The following LSAMP variants were observed in gnomAD, a reference collection of about 807,000 sequenced individuals.
The protein encoded by LSAMP is limbic system associated membrane protein, also known as limbic system-associated membrane protein.
A neutral mutation model predicts 38.6 loss-of-function variants in LSAMP; 7 were observed. The ratio of observed to expected loss-of-function variants is 0.18; its 90% CI spans 0.10 to 0.34. The LOEUF (loss-of-function observed/expected upper bound fraction) is 0.34. LSAMP is among the 10% of genes least tolerant of loss of function. LSAMP has a pLI of 1.00. For synonymous variants in LSAMP, 154 were observed against 166.8 expected (o/e 0.92, Z 0.59); for missense variants, 313 against 420.0 (o/e 0.75, Z 2.23).
At chr3:115,984,104 T>A (rs1348445569) in intron 3 of LSAMP, among the ~76,000 whole-genome samples, 1 of 151,874 alleles carries the variant, frequency 6.6e-6, no homozygotes. Context: ...TAAAAACAGT[T>A]CAAGAGATAT....
At chr3:115,874,666 C>T (rs1311073504) in intron 3 of LSAMP, among the ~76,000 whole-genome samples, 2 of 152,110 alleles carry the variant, frequency 1.3e-5, no homozygotes, top group Non-Finnish European at 1.5e-5. Flanking sequence ...AATAAACCAG[C>T]CTGTCTTCAA....
chr3:115,911,482 G>C (rs1937134105), intron 3 of LSAMP, among the ~76,000 whole-genome samples: 1 of 152,102 alleles, frequency 6.6e-6, no homozygotes, highest in African/African-American at 2.4e-5. Flanking sequence ...CTCCTGAGTA[G>C]CTGGGACTAC....
intron 2 of LSAMP, among the ~76,000 whole-genome samples, chr3:116,036,174 C>T (rs1941041010): frequency 6.6e-6 from 1 of 152,154 alleles, no homozygotes; most frequent in Admixed American, 6.5e-5. Context: ...GAAAATTACA[C>T]AACTTTTATT....
chr3:115,815,481 A>C (rs927381645), intron 6 of LSAMP, among the ~76,000 whole-genome samples: 1 of 152,200 alleles, frequency 6.6e-6, no homozygotes, highest in African/African-American at 2.4e-5. Flanking sequence ...ACTCTCTATA[A>C]AGCGAGATTT....
chr3:116,161,845 A>G (rs1310913146), intron 1 of LSAMP, among the ~76,000 whole-genome samples: 1 of 152,112 alleles, frequency 6.6e-6, no homozygotes, highest in South Asian at 2.1e-4. Context: ...TATTCATTGG[A>G]TCTGTGCTGG....
chr3:116,089,596 A>G (rs2107428516), intron 1 of LSAMP, among the ~76,000 whole-genome samples: 1 of 152,210 alleles, frequency 6.6e-6, no homozygotes, highest in South Asian at 2.1e-4. Flanking sequence ...TGACCTCGTG[A>G]TCCGCCCACC....
chr3:116,029,892 C>G (rs1374294042), intron 2 of LSAMP, among the ~76,000 whole-genome samples: 13 of 152,028 alleles, frequency 8.6e-5, no homozygotes, highest in Admixed American at 8.5e-4. Flanking sequence ...GCCTTATGAG[C>G]CCCAAGCACT....
chr3:115,913,226 A>G (rs1052371228), intron 3 of LSAMP, among the ~76,000 whole-genome samples: 2 of 152,232 alleles, frequency 1.3e-5, no homozygotes, highest in Admixed American at 6.5e-5. Context: ...AGAGAAAAAA[A>G]CTGGTCTTTA....
intron 1 of LSAMP, among the ~76,000 whole-genome samples, chr3:116,300,925 C>T (rs1473891572): frequency 6.6e-6 from 1 of 151,962 alleles, no homozygotes; most frequent in African/African-American, 2.4e-5. Context: ...ACTCTTCCAG[C>T]TCATCTCTGT....
intron 1 of LSAMP, among the ~76,000 whole-genome samples, chr3:116,093,272 AG>A (rs1408356157): frequency 1.3e-5 from 2 of 152,146 alleles, no homozygotes; most frequent in Admixed American, 1.3e-4. Flanking sequence ...GGGAGAGGCC[AG>A]GGGTGTTGCT....
intron 1 of LSAMP, among the ~76,000 whole-genome samples, chr3:116,104,247 C>T (rs1239302015): frequency 1.1e-4 from 17 of 152,262 alleles, no homozygotes; most frequent in Non-Finnish European, 1.5e-5. Context: ...GTAAGAGGAA[C>T]ATAAAGCAAG....
chr3:116,225,784 T>C (rs959747221), intron 1 of LSAMP, among the ~76,000 whole-genome samples: 3 of 152,070 alleles, frequency 2.0e-5, no homozygotes, highest in Admixed American at 2.0e-4. Flanking sequence ...TTAAAAGTAT[T>C]TAAATCGTGA....
chr3:115,944,493 G>A (rs1410471525), intron 3 of LSAMP, among the ~76,000 whole-genome samples: 2 of 152,040 alleles, frequency 1.3e-5, no homozygotes, highest in Non-Finnish European at 2.9e-5. Flanking sequence ...AACAAATGGT[G>A]GGTTTGAAAG....
rs550132625 is a variant in LSAMP, at chr3:116,366,080, A to C, written c.155+78797T>G. On this transcript the variant is annotated intron_variant, in intron 1 of 6. Transcript: ENST00000490035. ...AAAAGAAACTATCATCAGAATGAAC[A>C]AATAACCTACAGAATGAGAGAAAAT... 3.5e-5 allele frequency among the ~76,000 whole-genome samples: 5 copies of C among 141,862 alleles called. 1 individual carries two copies. In the South Asian group the frequency reaches 1.1e-3, roughly 31 times the overall value. The allele number at this position is 141,862 out of a possible 152,430, so 93.1% of individuals were successfully genotyped here. A position where few individuals can be genotyped will look rare whatever the true frequency, so the allele number is the denominator to read the frequency against.
At chr3:116,344,925 A>G (rs2048043639) in intron 1 of LSAMP, among the ~76,000 whole-genome samples, 3 of 152,212 alleles carry the variant, frequency 2.0e-5, no homozygotes, top group Admixed American at 2.0e-4. Flanking sequence ...TATTCACGGT[A>G]GGCATTCCTT....
At chr3:116,055,571 A>G (rs1941476704) in intron 2 of LSAMP, among the ~76,000 whole-genome samples, 1 of 131,308 alleles carries the variant, frequency 7.6e-6, no homozygotes, top group Admixed American at 7.1e-5. Flanking sequence ...AATGAAAATG[A>G]CTACATTTGA....
At chr3:116,045,541 TAA>T (rs10662058) in intron 2 of LSAMP, among the ~76,000 whole-genome samples, 249 of 75,972 alleles carry the variant, frequency 3.3e-3, no homozygotes, top group African/African-American at 0.011. Flanking sequence ...GTGGAGGTGG[TAA>T]AAAAAAAAAA....
chr3:116,024,573 T>C (rs989752759), intron 2 of LSAMP, among the ~76,000 whole-genome samples: 2 of 152,196 alleles, frequency 1.3e-5, no homozygotes, highest in African/African-American at 4.8e-5. Context: ...TTCTGAGTTT[T>C]AACGTCTTTG....
chr3:116,208,388 T>C (rs1303452738), intron 1 of LSAMP, among the ~76,000 whole-genome samples: 1 of 152,070 alleles, frequency 6.6e-6, no homozygotes, highest in African/African-American at 2.4e-5. Flanking sequence ...TCTGAAGCCT[T>C]CTTCTCTCAG....
Sources: gnomAD v4.1 joint callset for allele counts (sites outside exome capture counted in the v4.1 genomes callset) on GRCh38, gnomAD v4.1.1 for gene constraint, MANE v1.5 for transcripts, NCBI Gene and HGNC (gene_info 2026-07-23, HGNC 2026-07-21) for gene names.